The following RUFY3 variants were observed in gnomAD, a reference collection of about 807,000 sequenced individuals.
The protein encoded by RUFY3 is RUN and FYVE domain containing 3, also known as protein RUFY3.
A neutral mutation model predicts 84.0 loss-of-function variants in RUFY3; 34 were observed. That is an observed-to-expected ratio of 0.40 (90% CI 0.31 to 0.54). RUFY3 has a LOEUF of 0.54. Among genes scored for constraint, RUFY3 ranks in the 20% least tolerant of loss-of-function variants. The probability of loss-of-function intolerance (pLI) is 0.39; values close to 1 mark genes in which losing one functional copy is unlikely to be tolerated. For missense variants in RUFY3, 507 were observed against 736.8 expected (o/e 0.69, Z 3.61); for synonymous variants, 242 against 252.9 (o/e 0.96, Z 0.41).
chr4:70,794,145 C>A (rs1731217082), intron 13 of RUFY3, among the ~76,000 whole-genome samples: 1 of 152,122 alleles, frequency 6.6e-6, no homozygotes. Context: ...TAATTATTAG[C>A]CAAAATAACA....
chr4:70,745,483 A>G (rs1193041776), intron 1 of RUFY3, among the ~76,000 whole-genome samples: 3 of 152,208 alleles, frequency 2.0e-5, no homozygotes, highest in South Asian at 2.1e-4. Context: ...TAGTTTTTCA[A>G]TAAATATCGG....
chr4:70,737,790 C>T (rs1720598577), intron 1 of RUFY3, among the ~76,000 whole-genome samples: 1 of 150,966 alleles, frequency 6.6e-6, no homozygotes. Context: ...TCTCCTGCCT[C>T]AGCCTCCTGA....
chr4:70,768,685 A>T, intron 5 of RUFY3, 24 bp downstream of exon 5: 2 of 1,611,326 alleles, frequency 1.2e-6, no homozygotes, highest in South Asian at 1.1e-5. Flanking sequence ...ACTCATTCCC[A>T]TGGGTGTCAC....
intron 7 of RUFY3, among the ~76,000 whole-genome samples, chr4:70,777,780 G>A (rs1728204555): frequency 1.3e-5 from 2 of 152,216 alleles, no homozygotes; most frequent in Non-Finnish European, 2.9e-5. Context: ...TTTGGTGCAT[G>A]TAAGTATTTA....
chr4:70,798,227 G>T (rs955193024), intron 14 of RUFY3, among the ~76,000 whole-genome samples: 2 of 151,970 alleles, frequency 1.3e-5, no homozygotes. Context: ...AAATTATCTC[G>T]GTGTGGTGGC....
At chr4:70,802,029 T>C (rs533536160) in intron 15 of RUFY3, among the ~76,000 whole-genome samples, 85 of 152,368 alleles carry the variant, frequency 5.6e-4, no homozygotes, top group African/African-American at 1.9e-3. Flanking sequence ...ATTTATTATC[T>C]CCTTATGATT....
intron 8 of RUFY3, among the ~76,000 whole-genome samples, chr4:70,782,712 A>C (rs561363000): frequency 6.6e-6 from 1 of 152,030 alleles, no homozygotes; most frequent in African/African-American, 2.4e-5. Flanking sequence ...CAGAAGTTCA[A>C]CACCAGCCTG....
chr4:70,791,992 A>G, intron 12 of RUFY3: 1 of 984,544 alleles, frequency 1.0e-6, no homozygotes, highest in Non-Finnish European at 1.2e-6. Context: ...GTAACCTATG[A>G]TAACATAATA....
intron 1 of RUFY3, among the ~76,000 whole-genome samples, chr4:70,737,132 C>T (rs1160391646): frequency 6.6e-6 from 1 of 152,076 alleles, no homozygotes; most frequent in Non-Finnish European, 1.5e-5. Context: ...CAGTTGGTTG[C>T]GTTTTTCTCA....
At chr4:70,800,326 C>A in intron 15 of RUFY3, 121 bp downstream of exon 15, 2 of 668,770 alleles carry the variant, frequency 3.0e-6, no homozygotes, top group South Asian at 2.3e-5. Context: ...TATTAATATG[C>A]CAGGAAGACA....
chr4:70,711,482 C>T (rs577672463), intron 1 of RUFY3, among the ~76,000 whole-genome samples: 6 of 152,268 alleles, frequency 3.9e-5, no homozygotes, highest in East Asian at 1.9e-4. Context: ...CACAGATTTT[C>T]GGTATTTTCA....
chr4:70,772,765 A>G (rs1164495436), intron 5 of RUFY3, among the ~76,000 whole-genome samples: 1 of 152,012 alleles, frequency 6.6e-6, no homozygotes, highest in Non-Finnish European at 1.5e-5. Flanking sequence ...GATTCAAGCA[A>G]TTCTCCTGCC....
rs1312893758 is a variant in RUFY3 at position 70,705,193 on chromosome 4, AGC to A, written c.260_261del (p.Arg87LeufsTer35). ...GGAGTGCGCCCGCCGCCGCAGCAGC[AGC>A]GCTCCTGGAGGACCCCGCCGTCCCC... On this transcript the variant is annotated frameshift_variant, in exon 1 of 12. Transcript: ENST00000417478. LOFTEE classifies it high-confidence loss of function. 1 of 1,461,956 alleles carries A rather than the reference AGC, an allele frequency of 6.8e-7. No individual in the cohort carries two copies. The highest frequency in any genetic ancestry group is 2.5e-5 in the Admixed American group (1 of 40,810). 90.6% of individuals were successfully genotyped at this position (1,461,956 alleles called of 1,614,324 possible).
Position 70,791,908 on chromosome 4 carries a change from T to C in RUFY3, c.1338-1877T>C, listed in dbSNP as rs544383613. The C allele has an allele frequency of 2.7e-5, 27 of 985,584 alleles. No homozygotes were observed. The African/African-American group carries it at 4.4e-4, about 16-fold the overall frequency. The allele number at this position is 985,584 out of a possible 1,614,324, so 61.1% of individuals were successfully genotyped here. A position where few individuals can be genotyped will look rare whatever the true frequency, so the allele number is the denominator to read the frequency against. ...GCAACTTTTTTTGCCTTGGTGACTT[T>C]TGAAAAAAAAAGAAAAGAAAAAGCA... On this transcript the variant is annotated intron_variant, in intron 12 of 17. Coordinates refer to ENST00000381006, the MANE Select transcript of RUFY3 (RefSeq NM_001037442.4).
intron 1 of RUFY3, among the ~76,000 whole-genome samples, chr4:70,761,276 G>A (rs1724995190): frequency 6.6e-6 from 1 of 152,168 alleles, no homozygotes; most frequent in South Asian, 2.1e-4. Flanking sequence ...GGACCACCTA[G>A]CTATTATGGG....
chr4:70,788,199 C>T (rs780058509), intron 10 of RUFY3, among the ~76,000 whole-genome samples: 12 of 151,620 alleles, frequency 7.9e-5, no homozygotes, highest in African/African-American at 2.4e-4. Context: ...GCAGGAGAAT[C>T]GCTTGAACCC....
chr4:70,805,464 G>A (rs1732738995), intron 17 of RUFY3, among the ~76,000 whole-genome samples: 1 of 152,192 alleles, frequency 6.6e-6, no homozygotes, highest in African/African-American at 2.4e-5. Context: ...ATGTACAAAT[G>A]AGTGTATGAA....
chr4:70,775,207 T>C lies in RUFY3; in HGVS notation c.798T>C (p.Tyr266=), dbSNP rs1332410689. 3.1e-6 allele frequency: 5 copies of C among 1,599,496 alleles called. No homozygotes were observed. Among genetic ancestry groups the C allele is most frequent in the Non-Finnish European group, 3.4e-6 (4 of 1,170,404 alleles). The part of the protein sequence containing the change: ...QITAILDQKN[Y]VEELNRHLNA... The stretch of plus-strand genomic sequence containing the variant: ...CTGCAATTCTGGACCAGAAGAACTA[T>C]GTAGAAGAACTGAACAGACATTTGA... Residue 266 remains tyrosine, a synonymous_variant, in exon 7 of 18, where the codon TAT becomes TAC. Transcript: ENST00000381006.
intron 8 of RUFY3, among the ~76,000 whole-genome samples, chr4:70,779,073 T>C (rs886136123): frequency 6.6e-6 from 1 of 152,258 alleles, no homozygotes; most frequent in Non-Finnish European, 1.5e-5. Flanking sequence ...AGTAAGCGTT[T>C]CACACAGTTT....
Sources: allele counts gnomAD v4.1 joint callset (sites outside exome capture counted in the v4.1 genomes callset), GRCh38; gene constraint gnomAD v4.1.1; transcripts MANE v1.5; gene names NCBI Gene and HGNC (gene_info 2026-07-23, HGNC 2026-07-21).